POU6F2: variants seen among roughly 807,000 people sequenced by gnomAD.
POU6F2 encodes the protein POU class 6 homeobox 2.
A neutral mutation model predicts 71.3 loss-of-function variants in POU6F2; 31 were observed. The observed-to-expected ratio is 0.43, with a 90% CI of 0.33 to 0.59. POU6F2 has a LOEUF of 0.59. POU6F2 is among the 20% of genes least tolerant of loss of function. The pLI, the probability that POU6F2 is intolerant of heterozygous loss-of-function variation, is 0.04. For missense variants in POU6F2, 783 were observed against 856.8 expected (o/e 0.91, Z 1.07); for synonymous variants, 347 against 355.7 (o/e 0.98, Z 0.27).
intron 4 of POU6F2, among the ~76,000 whole-genome samples, chr7:39,324,116 A>C (rs1341967060): frequency 6.6e-6 from 1 of 152,028 alleles, no homozygotes; most frequent in African/African-American, 2.4e-5. Context: ...TCAAAAAAAA[A>C]AAAAGAAAAA....
intron 4 of POU6F2, among the ~76,000 whole-genome samples, chr7:39,255,661 G>T (rs555969389): frequency 1.3e-5 from 2 of 152,160 alleles, no homozygotes; most frequent in African/African-American, 4.8e-5. Flanking sequence ...TGGATTAATC[G>T]GTTGCCAAAT....
At chr7:39,306,291 C>T (rs1785047238) in intron 4 of POU6F2, among the ~76,000 whole-genome samples, 1 of 152,232 alleles carries the variant, frequency 6.6e-6, no homozygotes, top group South Asian at 2.1e-4. Flanking sequence ...GTGGCATAAA[C>T]TCACAAAGGA....
At position 39,207,408 on chromosome 7, in the gene POU6F2, A is replaced by G. The variant is rs1346796983; in HGVS notation, c.386A>G (p.Gln129Arg). The change falls in exon 4 of 10, where the codon CAG becomes CGG. Residue 129 changes from glutamine (Q) to arginine (R), a missense_variant. By Grantham distance (43) the Gln-to-Arg change is conservative. This residue lies in a region of POU6F2 where 572 missense variants were observed against 572.9 expected (regional missense o/e 1.00). Transcript: ENST00000518318. ...TCCTTGCAGCCACTTCTGACGGCAC[A>G]GCAGTTAGCTTCTGCTGTGGCCGGC... Reference protein sequence around the residue: ...PVGPQPLLTAQQLASAVAGVM... With the variant: ...PVGPQPLLTARQLASAVAGVM... 1 of 1,613,996 alleles carries G rather than the reference A, an allele frequency of 6.2e-7. No individual in the cohort carries two copies. Among genetic ancestry groups the G allele is most frequent in the South Asian group, 1.1e-5 (1 of 91,082 alleles).
intron 4 of POU6F2, among the ~76,000 whole-genome samples, chr7:39,258,345 G>A (rs1464581854): frequency 6.6e-6 from 1 of 152,178 alleles, no homozygotes. Flanking sequence ...CTGAGAAAAA[G>A]AGAAATATTA....
intron 2 of POU6F2, among the ~76,000 whole-genome samples, chr7:39,115,156 A>G (rs534438675): frequency 6.6e-6 from 1 of 152,176 alleles, no homozygotes; most frequent in African/African-American, 2.4e-5. Context: ...ATGGATGCCC[A>G]TGATCATACA....
At chr7:39,413,826 A>C (rs1165110713) in intron 6 of POU6F2, among the ~76,000 whole-genome samples, 1 of 152,258 alleles carries the variant, frequency 6.6e-6, no homozygotes, top group Non-Finnish European at 1.5e-5. Context: ...TTCTACTAAC[A>C]TATCAAATTT....
intron 2 of POU6F2, among the ~76,000 whole-genome samples, chr7:39,157,979 G>A (rs372564684): frequency 2.0e-5 from 3 of 152,186 alleles, no homozygotes; most frequent in Admixed American, 6.5e-5. Context: ...GATGCTAGCC[G>A]TTCATTCAGG....
chr7:39,441,883 C>T (rs551989871), intron 7 of POU6F2, among the ~76,000 whole-genome samples: 39 of 152,044 alleles, frequency 2.6e-4, no homozygotes, highest in African/African-American at 8.4e-4. Context: ...AGTGTATGAC[C>T]GAGCACATGG....
intron 4 of POU6F2, among the ~76,000 whole-genome samples, chr7:39,289,702 A>G (rs538765040): frequency 6.6e-6 from 1 of 152,350 alleles, no homozygotes; most frequent in Non-Finnish European, 1.5e-5. Context: ...CAATAATCTG[A>G]ATTTATGGTT....
At chr7:39,045,886 C>A (rs1003814549) in intron 1 of POU6F2, among the ~76,000 whole-genome samples, 1 of 151,750 alleles carries the variant, frequency 6.6e-6, no homozygotes, top group African/African-American at 2.4e-5. Flanking sequence ...TGTTTCCTGT[C>A]TTTTGCTATT....
Position 39,462,794 on chromosome 7 carries a change from A to G in POU6F2, c.1659-1388A>G, listed in dbSNP as rs138935722. 4.9e-3 allele frequency among the ~76,000 whole-genome samples: 748 copies of G among 152,302 alleles called. 7 individuals are homozygous for G. The highest frequency in any genetic ancestry group is 0.017 in the African/African-American group (701 of 41,562). ...TGGAAGCTGGGTTTTTCAAAAATAAACAAATAACCCTTGAGTTCTACATGG... is the reference window on the plus strand; with the variant it reads ...TGGAAGCTGGGTTTTTCAAAAATAAGCAAATAACCCTTGAGTTCTACATGG... On this transcript the variant is annotated intron_variant, in intron 9 of 9. Coordinates refer to ENST00000518318, the MANE Select transcript of POU6F2 (RefSeq NM_001370959.1).
chr7:39,072,566 A>G (rs1281850515), intron 1 of POU6F2, among the ~76,000 whole-genome samples: 1 of 152,194 alleles, frequency 6.6e-6, no homozygotes, highest in Non-Finnish European at 1.5e-5. Context: ...CCCCTTGACA[A>G]CACGTTAGCC....
intron 5 of POU6F2, among the ~76,000 whole-genome samples, chr7:39,401,364 C>T (rs62455940): frequency 2.6e-5 from 4 of 152,172 alleles, no homozygotes; most frequent in Admixed American, 6.5e-5. Flanking sequence ...TACTGGAACT[C>T]ACAAAACAGG....
rs150716537 is a variant in POU6F2, at chr7:39,250,636, G to A, written c.598+43016G>A. 3.1e-3 allele frequency among the ~76,000 whole-genome samples: 473 copies of A among 152,276 alleles called. 8 individuals carry two copies. The East Asian group carries it at 0.034, about 11-fold the overall frequency. ...TTGCCAGTGGAAACGAGAGAGGAGA[G>A]TATAATCCTACCCCCATGGGGCTGA... is the stretch of plus-strand genomic sequence containing the variant. On this transcript the variant is annotated intron_variant, in intron 4 of 9. Coordinates refer to ENST00000518318, the MANE Select transcript of POU6F2 (RefSeq NM_001370959.1).
chr7:39,180,432 G>A (rs1341663070), intron 2 of POU6F2, among the ~76,000 whole-genome samples: 1 of 152,076 alleles, frequency 6.6e-6, no homozygotes, highest in Non-Finnish European at 1.5e-5. Flanking sequence ...CAGCAAATGT[G>A]TCCCCCACCA....
At chr7:39,100,841 C>T (rs1791555194) in intron 2 of POU6F2, among the ~76,000 whole-genome samples, 1 of 152,128 alleles carries the variant, frequency 6.6e-6, no homozygotes, top group African/African-American at 2.4e-5. Context: ...CACTTGGCTG[C>T]ACCCCTGAGC....
At chr7:39,212,917 A>T (rs1323981750) in intron 4 of POU6F2, among the ~76,000 whole-genome samples, 2 of 152,222 alleles carry the variant, frequency 1.3e-5, no homozygotes, top group African/African-American at 4.8e-5. Context: ...TAGGCAGGAA[A>T]TGAAGATATA....
chr7:39,130,120 AT>A (rs1030858000), intron 2 of POU6F2, among the ~76,000 whole-genome samples: 3 of 145,814 alleles, frequency 2.1e-5, no homozygotes, highest in South Asian at 2.2e-4. Context: ...GTAAAATACC[AT>A]TTTTTTTAAA....
At chr7:38,982,879 G>A (rs530168849) in intron 1 of POU6F2, among the ~76,000 whole-genome samples, 1 of 152,214 alleles carries the variant, frequency 6.6e-6, no homozygotes, top group South Asian at 2.1e-4. Flanking sequence ...AAGTTTGCAT[G>A]TAATAAGTTT....
Sources: gnomAD v4.1 joint callset for allele counts (sites outside exome capture counted in the v4.1 genomes callset) on GRCh38, gnomAD v4.1.1 for gene constraint, gnomAD v4.1.1 regional missense constraint, MANE v1.5 for transcripts, NCBI Gene and HGNC (gene_info 2026-07-23, HGNC 2026-07-21) for gene names.